Variants in THSD4 observed in about 807,000 individuals in gnomAD.
THSD4 encodes the protein thrombospondin type-1 domain-containing protein 4.
Under a neutral mutation model 119.0 loss-of-function variants are expected in THSD4, and 69 were observed. That is an observed-to-expected ratio of 0.58 (90% CI 0.48 to 0.71). The LOEUF (loss-of-function observed/expected upper bound fraction) is 0.71. Ranked by LOEUF, THSD4 falls within the 30% of genes least tolerant of loss-of-function variation. The pLI is 0.00. For missense variants in THSD4, 1,393 were observed against 1,391.1 expected (o/e 1.00, Z -0.02); for synonymous variants, 524 against 540.4 (o/e 0.97, Z 0.42).
chr15:71,104,048 A>G (rs151018130), intron 1 of THSD4, among the ~76,000 whole-genome samples: 1,875 of 152,242 alleles, frequency 0.012, 39 homozygotes, highest in African/African-American at 0.042. Context: ...TAGCTCCTCC[A>G]TCCATTCTGT....
chr15:71,561,447 C>CT (rs1169820997), intron 7 of THSD4, among the ~76,000 whole-genome samples: 1 of 152,062 alleles, frequency 6.6e-6, no homozygotes, highest in Non-Finnish European at 1.5e-5. Context: ...TTTATATAGA[C>CT]TAAGGGAATT....
intron 5 of THSD4, among the ~76,000 whole-genome samples, chr15:71,251,156 A>G (rs1321230784): frequency 1.3e-5 from 2 of 152,198 alleles, no homozygotes; most frequent in Non-Finnish European, 2.9e-5. Flanking sequence ...AATGTGCAAG[A>G]TAACTGGAGC....
intron 5 of THSD4, among the ~76,000 whole-genome samples, chr15:71,251,125 A>C (rs1045638863): frequency 3.3e-5 from 5 of 152,182 alleles, no homozygotes; most frequent in Non-Finnish European, 7.3e-5. Flanking sequence ...TTGAGAAAGG[A>C]GATATTAAAC....
chr15:71,738,328 G>A, intron 11 of THSD4: 1 of 271,184 alleles, frequency 3.7e-6, no homozygotes, highest in Non-Finnish European at 7.0e-6. Flanking sequence ...CTCCTGCTGT[G>A]CGACCTGGTT....
rs371223014 is a variant in THSD4 at position 71,731,135 on chromosome 15, G to A, written c.1548G>A (p.Gln516=). Reference sequence around the variant, plus strand: ...TGTGTCAGCAGATGATACACCAGCAGCCAAACCCAGGCGTGCACTACGAGT... The same window carrying A: ...TGTGTCAGCAGATGATACACCAGCAACCAAACCCAGGCGTGCACTACGAGT... ...EILDVYMIHQ[Q]PNPGVHYEYV... The change falls in exon 10 of 18, where the codon CAG becomes CAA. Residue 516 remains glutamine, a synonymous_variant. Coordinates refer to ENST00000261862, the MANE Select transcript of THSD4 (RefSeq NM_024817.3). The A allele has an allele frequency of 3.6e-5, 58 of 1,614,016 alleles. No individual in the cohort carries two copies. In the Middle Eastern group the frequency reaches 4.9e-4, roughly 14 times the overall value.
At chr15:71,435,825 C>T in intron 7 of THSD4, among the ~76,000 whole-genome samples, 1 of 152,160 alleles carries the variant, frequency 6.6e-6, no homozygotes, top group East Asian at 1.9e-4. Context: ...TTAGACTTTC[C>T]CAGCACTAAC....
intron 1 of THSD4, among the ~76,000 whole-genome samples, chr15:71,117,380 A>G (rs2040372218): frequency 6.6e-6 from 1 of 152,082 alleles, no homozygotes; most frequent in African/African-American, 2.4e-5. Flanking sequence ...GGAGATTGCA[A>G]TCAGTTATCC....
chr15:71,269,552 C>T (rs1262032194), intron 6 of THSD4, among the ~76,000 whole-genome samples: 3 of 152,168 alleles, frequency 2.0e-5, no homozygotes, highest in Non-Finnish European at 4.4e-5. Context: ...GACAAGAATG[C>T]CCTCTCTCAC....
At chr15:71,434,590 G>A (rs921873117) in intron 7 of THSD4, among the ~76,000 whole-genome samples, 4 of 151,974 alleles carry the variant, frequency 2.6e-5, no homozygotes, top group South Asian at 2.1e-4. Flanking sequence ...ATAGTTTAGC[G>A]TGGAGGGATG....
chr15:71,134,823 T>G (rs989862035), intron 1 of THSD4, among the ~76,000 whole-genome samples: 3 of 152,132 alleles, frequency 2.0e-5, no homozygotes, highest in Non-Finnish European at 4.4e-5. Context: ...TTCTAAGGGA[T>G]CTAGAACTAG....
chr15:71,122,916 A>G (rs576926176), intron 1 of THSD4, among the ~76,000 whole-genome samples: 1 of 152,334 alleles, frequency 6.6e-6, no homozygotes, highest in Admixed American at 6.5e-5. Flanking sequence ...AAGAGCTGTA[A>G]TAAGAGTGGT....
intron 7 of THSD4, among the ~76,000 whole-genome samples, chr15:71,543,172 T>C (rs1270724280): frequency 1.3e-5 from 2 of 152,224 alleles, no homozygotes; most frequent in Non-Finnish European, 2.9e-5. Flanking sequence ...ATCATAGTTA[T>C]GTAAGATGTT....
chr15:71,606,026 T>A (rs1478235517), intron 7 of THSD4, among the ~76,000 whole-genome samples: 1 of 152,210 alleles, frequency 6.6e-6, no homozygotes, highest in African/African-American at 2.4e-5. Context: ...GGCCAAGTGT[T>A]CTGTTAGGTC....
At chr15:71,310,734 A>G (rs2045099885) in intron 6 of THSD4, among the ~76,000 whole-genome samples, 1 of 152,266 alleles carries the variant, frequency 6.6e-6, no homozygotes, top group South Asian at 2.1e-4. Context: ...AGTTAGAAAT[A>G]TATTTTTAGG....
chr15:71,148,828 A>G (rs905731399), intron 2 of THSD4, among the ~76,000 whole-genome samples: 4 of 152,218 alleles, frequency 2.6e-5, no homozygotes, highest in Admixed American at 2.6e-4. Flanking sequence ...GTTAGAAATC[A>G]GGCTTTGCCA....
intron 8 of THSD4, among the ~76,000 whole-genome samples, chr15:71,711,158 T>A (rs1035499628): frequency 1.3e-5 from 2 of 150,438 alleles, no homozygotes; most frequent in Non-Finnish European, 3.0e-5. Context: ...ATGGCAAATA[T>A]AACATAAATA....
chr15:71,388,305 G>A (rs1421646848), intron 6 of THSD4, among the ~76,000 whole-genome samples: 1 of 152,144 alleles, frequency 6.6e-6, no homozygotes, highest in Non-Finnish European at 1.5e-5. Flanking sequence ...GTACCCACTA[G>A]GTGCCAGGTA....
At chr15:71,491,381 A>C (rs2047916418) in intron 7 of THSD4, among the ~76,000 whole-genome samples, 1 of 152,164 alleles carries the variant, frequency 6.6e-6, no homozygotes, top group Non-Finnish European at 1.5e-5. Flanking sequence ...TCTGGGAGAT[A>C]ATTAGGATTA....
At chr15:71,571,059 A>C (rs4477643) in intron 7 of THSD4, among the ~76,000 whole-genome samples, 28 of 152,138 alleles carry the variant, frequency 1.8e-4, no homozygotes, top group Admixed American at 3.3e-4. Flanking sequence ...AGAACTCCCT[A>C]TGAGCCTGAG....
Sources: allele counts gnomAD v4.1 joint callset (sites outside exome capture counted in the v4.1 genomes callset), GRCh38; gene constraint gnomAD v4.1.1; transcripts MANE v1.5; gene names NCBI Gene and HGNC (gene_info 2026-07-23, HGNC 2026-07-21).